PTPRT: variants seen among roughly 807,000 people sequenced by gnomAD.
The protein encoded by PTPRT is protein tyrosine phosphatase receptor type T.
Under a neutral mutation model 176.8 loss-of-function variants are expected in PTPRT, and 56 were observed. That is an observed-to-expected ratio of 0.32 (90% CI 0.26 to 0.40). The LOEUF (loss-of-function observed/expected upper bound fraction) is 0.40, where lower values mean the gene tolerates loss of function less well. Ranked by LOEUF, PTPRT falls within the 10% of genes least tolerant of loss-of-function variation. The pLI is 1.00. For missense variants in PTPRT, 1,540 were observed against 1,908.2 expected (o/e 0.81, Z 3.60); for synonymous variants, 783 against 739.0 (o/e 1.06, Z -0.96).
chr20:42,235,859 T>C lies in PTPRT; in HGVS notation c.2342+370A>G, dbSNP rs186023158. ...TACCCATTCTCCAAGTAAAAACACA[T>C]GGATTTAGAAGTTGCTAAGACTGTG... On this transcript the variant is annotated intron_variant, in intron 15 of 30. Transcript: ENST00000373187. Among the ~76,000 whole-genome samples, 333 of 152,260 alleles carry C rather than the reference T, an allele frequency of 2.2e-3. 2 individuals carry two copies. The highest frequency in any genetic ancestry group is 7.6e-3 in the African/African-American group (316 of 41,558).
intron 5 of PTPRT, among the ~76,000 whole-genome samples, chr20:42,757,062 A>G (rs965642564): frequency 1.0e-4 from 10 of 97,830 alleles, no homozygotes; most frequent in African/African-American, 5.3e-4. Flanking sequence ...TAAAAAAAAA[A>G]AAAAAAAAAA....
chr20:42,604,872 C>A (rs117497441), intron 7 of PTPRT, among the ~76,000 whole-genome samples: 1 of 152,164 alleles, frequency 6.6e-6, no homozygotes, highest in Admixed American at 6.5e-5. Context: ...TTGACCCAGG[C>A]CCCCCTTGAG....
At chr20:42,161,590 C>T in intron 16 of PTPRT, 48 bp from the exon 17 acceptor site, 5 of 1,533,880 alleles carry the variant, frequency 3.3e-6, no homozygotes, top group Non-Finnish European at 4.4e-6. Context: ...AGAAGCTTTG[C>T]CCTTTGTCCT....
At chr20:42,944,621 C>A (rs1021471127) in intron 1 of PTPRT, among the ~76,000 whole-genome samples, 1 of 152,152 alleles carries the variant, frequency 6.6e-6, no homozygotes, top group Non-Finnish European at 1.5e-5. Context: ...AGCCTTTGCA[C>A]GTGCTATGCC....
chr20:42,311,573 C>T (rs1028647486), intron 12 of PTPRT, among the ~76,000 whole-genome samples: 1 of 152,166 alleles, frequency 6.6e-6, no homozygotes, highest in Non-Finnish European at 1.5e-5. Flanking sequence ...GTTAATATAA[C>T]TCTATCTCAT....
At chr20:42,342,898 G>T (rs2058132861) in intron 11 of PTPRT, among the ~76,000 whole-genome samples, 1 of 152,200 alleles carries the variant, frequency 6.6e-6, no homozygotes, top group Non-Finnish European at 1.5e-5. Context: ...TCACTGTGCA[G>T]TTCAGAATCT....
At chr20:42,472,813 A>G (rs920514501) in intron 7 of PTPRT, among the ~76,000 whole-genome samples, 6 of 152,244 alleles carry the variant, frequency 3.9e-5, no homozygotes, top group Non-Finnish European at 8.8e-5. Flanking sequence ...TCTTAAATAA[A>G]TGTTAACCAT....
chr20:43,126,756 C>T (rs971849600), intron 1 of PTPRT, among the ~76,000 whole-genome samples: 1 of 152,270 alleles, frequency 6.6e-6, no homozygotes, highest in Non-Finnish European at 1.5e-5. Context: ...TCAGTCTCTC[C>T]TCAGGAGACG....
chr20:43,135,643 CT>C (rs2013807287), intron 1 of PTPRT, among the ~76,000 whole-genome samples: 1 of 152,210 alleles, frequency 6.6e-6, no homozygotes, highest in Admixed American at 6.5e-5. Flanking sequence ...AAGAAACACA[CT>C]GTTGGTTGGG....
At chr20:42,356,695 TCAA>T (rs748935319) in intron 9 of PTPRT, among the ~76,000 whole-genome samples, 21 of 152,098 alleles carry the variant, frequency 1.4e-4, no homozygotes, top group East Asian at 3.9e-4. Context: ...AAACTCCCTC[TCAA>T]CAACAACAAC....
chr20:43,072,941 T>C (rs905250906), intron 1 of PTPRT, among the ~76,000 whole-genome samples: 3 of 152,154 alleles, frequency 2.0e-5, no homozygotes, highest in African/African-American at 7.2e-5. Flanking sequence ...CTGGTCCAGG[T>C]GTGGTCCTTT....
rs146735782 is a variant in PTPRT at position 42,517,725 on chromosome 20, C to T, written c.1154-45163G>A. ...AGTTCTACATATTTTCCAATTTTCACTGTGATTTCTCCTTTGACTCCAGAG... is the reference window on the plus strand; with the variant it reads ...AGTTCTACATATTTTCCAATTTTCATTGTGATTTCTCCTTTGACTCCAGAG... On this transcript the variant is annotated intron_variant, in intron 7 of 30. Coordinates refer to ENST00000373187, the MANE Select transcript of PTPRT (RefSeq NM_007050.6). Among the ~76,000 whole-genome samples, 698 of 152,042 alleles carry T rather than the reference C, an allele frequency of 4.6e-3. 4 individuals are homozygous for T. Among genetic ancestry groups the T allele is most frequent in the African/African-American group, 0.016 (666 of 41,538 alleles).
At chr20:42,472,053 T>C (rs1353718019) in intron 8 of PTPRT, among the ~76,000 whole-genome samples, 1 of 152,144 alleles carries the variant, frequency 6.6e-6, no homozygotes, top group Non-Finnish European at 1.5e-5. Flanking sequence ...TGAGTGCAAG[T>C]CTATGGCAGA....
intron 1 of PTPRT, among the ~76,000 whole-genome samples, chr20:42,886,800 G>C (rs528718458): frequency 6.6e-6 from 1 of 152,344 alleles, no homozygotes; most frequent in Admixed American, 6.5e-5. Flanking sequence ...GGAAACACTG[G>C]TCTGTCCAGA....
chr20:42,498,573 A>G (rs2071694883), intron 7 of PTPRT, among the ~76,000 whole-genome samples: 1 of 152,140 alleles, frequency 6.6e-6, no homozygotes. Context: ...GGGAAGTTAT[A>G]TTCTATAGAG....
At chr20:42,309,418 G>C (rs987515046) in intron 12 of PTPRT, among the ~76,000 whole-genome samples, 5 of 152,128 alleles carry the variant, frequency 3.3e-5, no homozygotes, top group African/African-American at 1.2e-4. Flanking sequence ...AGGAAATCAA[G>C]GCTGCCCAGG....
intron 2 of PTPRT, among the ~76,000 whole-genome samples, chr20:42,858,488 A>G (rs1358053825): frequency 6.6e-6 from 1 of 152,180 alleles, no homozygotes; most frequent in Non-Finnish European, 1.5e-5. Flanking sequence ...GATGGTATTA[A>G]GCGATGAGGA....
At chr20:42,276,543 ATATATATATATATAT>A (rs1342356626) in intron 13 of PTPRT, among the ~76,000 whole-genome samples, 6 of 57,226 alleles carry the variant, frequency 1.0e-4, no homozygotes, top group Admixed American at 1.9e-4. Flanking sequence ...ATATATATAT[ATATATATATATATAT>A]AATGTTCTTG....
chr20:42,925,004 C>T lies in PTPRT; in HGVS notation c.89-39072G>A, dbSNP rs148941848. 7.0e-4 allele frequency among the ~76,000 whole-genome samples: 106 copies of T among 152,334 alleles called. 1 individual carries two copies. Among genetic ancestry groups the T allele is most frequent in the African/African-American group, 2.4e-3 (101 of 41,574 alleles). On this transcript the variant is annotated intron_variant, in intron 1 of 30. Coordinates refer to ENST00000373187, the MANE Select transcript of PTPRT (RefSeq NM_007050.6). ...CGCATTGTCCACAGTGTGAGAATTACTGCGGCTGCATTGAGCCTTTCAAAA... is the reference window on the plus strand; with the variant it reads ...CGCATTGTCCACAGTGTGAGAATTATTGCGGCTGCATTGAGCCTTTCAAAA...
Sources: gnomAD v4.1 joint callset for allele counts (sites outside exome capture counted in the v4.1 genomes callset) on GRCh38, gnomAD v4.1.1 for gene constraint, MANE v1.5 for transcripts, NCBI Gene and HGNC (gene_info 2026-07-23, HGNC 2026-07-21) for gene names.